The following MYCBPAP variants were observed in gnomAD, a reference collection of about 807,000 sequenced individuals.
MYCBPAP encodes MYCBP associated protein, also known as MYCBP-associated protein.
MYCBPAP carries 60 observed loss-of-function variants against 106.1 expected under a neutral mutation model. The observed-to-expected ratio is 0.57, with a 90% CI of 0.46 to 0.70. The LOEUF is 0.70. MYCBPAP is among the 30% of genes least tolerant of loss of function. The pLI is 0.00. For missense variants in MYCBPAP, 1,064 were observed against 1,169.3 expected, an observed-to-expected ratio of 0.91 and a Z score of 1.31; for synonymous variants, 407 against 440.6, an observed-to-expected ratio of 0.92 and a Z score of 0.95.
intron 3 of MYCBPAP, 40 bp downstream of exon 3, chr17:50,517,492 T>TC (rs1211183563): frequency 3.7e-6 from 6 of 1,613,986 alleles, no homozygotes; most frequent in African/African-American, 1.3e-5. Flanking sequence ...GTCTTTCAAC[T>TC]CATGGGTCAG....
chr17:50,528,921 G>T (rs1406454028), intron 17 of MYCBPAP, 81 bp downstream of exon 17: 173 of 1,598,426 alleles, frequency 1.1e-4, no homozygotes, highest in Non-Finnish European at 1.4e-4. Context: ...GTGGAGGTGG[G>T]CATGTGCCCA....
At chr17:50,510,722 A>G (rs1209724205) in intron 1 of MYCBPAP, among the ~76,000 whole-genome samples, 1 of 143,592 alleles carries the variant, frequency 7.0e-6, no homozygotes, top group Non-Finnish European at 1.5e-5. Flanking sequence ...TGTAGAGACA[A>G]GTTGCCCAGG....
At chr17:50,512,223 T>C (rs1157620423) in intron 1 of MYCBPAP, among the ~76,000 whole-genome samples, 1 of 151,932 alleles carries the variant, frequency 6.6e-6, no homozygotes, top group African/African-American at 2.4e-5. Context: ...CTGGCTAATA[T>C]TTTTGTATTT....
At chr17:50,528,057 C>A in intron 15 of MYCBPAP, 98 bp from the exon 16 acceptor site, 1 of 951,268 alleles carries the variant, frequency 1.1e-6, no homozygotes, top group Non-Finnish European at 1.6e-6. Context: ...CACAGCAGCT[C>A]GTGGCACCAG....
At position 50,524,737 on chromosome 17, in the gene MYCBPAP, T is replaced by TGTGTGTGTGA. The variant is rs373928628; in HGVS notation, c.1636-139_1636-138insTGTGTGTGAG. 1.2e-3 allele frequency: 545 copies of TGTGTGTGTGA among 463,496 alleles called. 2 individuals carry two copies. The highest frequency in any genetic ancestry group is 0.01 in the African/African-American group (417 of 40,464). 28.7% of individuals were successfully genotyped at this position (463,496 alleles called of 1,614,324 possible). A position where few individuals can be genotyped will look rare whatever the true frequency, so the allele number is the denominator to read the frequency against. On this transcript the variant is annotated intron_variant, in intron 12 of 18. Coordinates refer to ENST00000323776, the MANE Select transcript of MYCBPAP (RefSeq NM_032133.6). ...GTGTGTGTGTGTGTGTGTGTGTGTG[T>TGTGTGTGTGA]GAGAGAGAGAGAGAGAGAGAGACAA...
chr17:50,508,701 C>A lies in MYCBPAP; in HGVS notation c.27C>A (p.Arg9=), dbSNP rs1400499009. The A allele has an allele frequency of 1.9e-6, 3 of 1,611,646 alleles. No homozygotes were observed. The African/African-American group carries it at 4.0e-5, about 22-fold the overall frequency. The part of the protein sequence containing the change: MKSLKKDS[R]LRITPTRLLE... Reference sequence around the variant, plus strand: ...TGAAGTCTCTAAAGAAGGATTCCCGCCTCAGAATAACTCCGACCAGATTAT... The same window carrying A: ...TGAAGTCTCTAAAGAAGGATTCCCGACTCAGAATAACTCCGACCAGATTAT... Residue 9 remains arginine, a synonymous_variant, in exon 1 of 19, where the codon CGC becomes CGA. Transcript: ENST00000323776.
intron 2 of MYCBPAP, 67 bp from the exon 3 acceptor site, chr17:50,517,224 GAA>G: frequency 2.1e-6 from 3 of 1,449,028 alleles, no homozygotes; most frequent in Non-Finnish European, 2.9e-6. Flanking sequence ...AACTAGAACA[GAA>G]GAGATGGGTG....
At position 50,518,695 on chromosome 17, in the gene MYCBPAP, T is replaced by A. The variant is rs1270074397; in HGVS notation, c.623T>A (p.Leu208Gln). 1 of 1,594,736 alleles carries A rather than the reference T, an allele frequency of 6.3e-7. No homozygotes were observed. The change falls in exon 5 of 19, where the codon CTG becomes CAG. Residue 208 changes from leucine to glutamine, a missense_variant. Coordinates refer to ENST00000323776, the MANE Select transcript of MYCBPAP (RefSeq NM_032133.6). The stretch of plus-strand genomic sequence containing the variant: ...AAAAACTGGCAGCGTAACACAGCCC[T>A]GCGGAAGAAGCAGCAGGAAGCCCTC... ...FLKNWQRNTA[L>Q]RKKQQEALSE... is the part of the protein sequence containing the mutation.
chr17:50,519,348 TGAGTGGA>T, intron 6 of MYCBPAP: 3 of 583,522 alleles, frequency 5.1e-6, no homozygotes, highest in Non-Finnish European at 9.1e-6. Context: ...GAGCTTAGAC[TGAGTGGA>T]GCCTACACCC....
In MYCBPAP at chr17:50,531,429, C is replaced by T; in HGVS notation, c.*1C>T. On this transcript the variant is annotated 3_prime_UTR_variant, in exon 19 of 19. Coordinates refer to ENST00000323776, the MANE Select transcript of MYCBPAP (RefSeq NM_032133.6). ...GGAGGCTTTGCGCCTCTGCAGGTGACTCTCGGGCCCAAGCAACCTTCTGGA... is the reference window on the plus strand; with the variant it reads ...GGAGGCTTTGCGCCTCTGCAGGTGATTCTCGGGCCCAAGCAACCTTCTGGA... 1 of 1,600,596 alleles carries T rather than the reference C, an allele frequency of 6.2e-7. No individual in the cohort carries two copies.
At chr17:50,516,761 C>G in intron 2 of MYCBPAP, 64 bp downstream of exon 2, 1 of 1,593,680 alleles carries the variant, frequency 6.3e-7, no homozygotes, top group South Asian at 1.1e-5. Context: ...CCTGAGTGGT[C>G]TAGAACACCA....
At chr17:50,527,250 G>C in intron 14 of MYCBPAP, 37 bp from the exon 15 acceptor site, 1 of 1,612,610 alleles carries the variant, frequency 6.2e-7, no homozygotes, top group South Asian at 1.1e-5. Flanking sequence ...CACAGCCTTG[G>C]TGTCCTGGTG....
At chr17:50,516,482 T>C in intron 1 of MYCBPAP, 88 bp from the exon 2 acceptor site, 1 of 1,443,796 alleles carries the variant, frequency 6.9e-7, no homozygotes, top group African/African-American at 1.4e-5. Context: ...GAGTCTAGTA[T>C]ATATTTTTAC....
In MYCBPAP at chr17:50,517,408, G is replaced by A. The variant is rs759021550; in HGVS notation, c.320G>A (p.Arg107His). The change falls in exon 3 of 19, where the codon CGT becomes CAT. Residue 107 changes from arginine to histidine, a missense_variant. Coordinates refer to ENST00000323776, the MANE Select transcript of MYCBPAP (RefSeq NM_032133.6). ...AGGAAGGTCTGCCACCTTGTAGCAC[G>A]TCCTGCGAATCCTGATGAAGCCACA... The part of the protein sequence containing the change: ...PRRKVCHLVA[R>H]PANPDEATKP... The A allele has an allele frequency of 7.4e-6, 12 of 1,614,162 alleles. No individual in the cohort carries two copies. The highest frequency in any genetic ancestry group is 2.2e-5 in the East Asian group (1 of 44,888).
At chr17:50,525,485 T>G (rs2034426864) in intron 13 of MYCBPAP, among the ~76,000 whole-genome samples, 1 of 152,008 alleles carries the variant, frequency 6.6e-6, no homozygotes, top group African/African-American at 2.4e-5. Flanking sequence ...ACTATTTATT[T>G]TTGTTTATTT....
chr17:50,529,526 G>A (rs2034568790), intron 18 of MYCBPAP: 1 of 373,356 alleles, frequency 2.7e-6, no homozygotes, highest in African/African-American at 2.1e-5. Flanking sequence ...GCCATAGGAG[G>A]GAGGGGCCAG....
intron 4 of MYCBPAP, among the ~76,000 whole-genome samples, chr17:50,518,296 C>T (rs971485964): frequency 6.6e-6 from 1 of 152,242 alleles, no homozygotes; most frequent in African/African-American, 2.4e-5. Context: ...AGGACAAATA[C>T]ACTAGATGTT....
rs915645336 is a variant in MYCBPAP, at chr17:50,531,080, A to G, written c.2725-247A>G. Among the ~76,000 whole-genome samples, 9 of 151,874 alleles carry G rather than the reference A, an allele frequency of 5.9e-5. 1 individual carries two copies. The highest frequency in any genetic ancestry group is 1.3e-4 in the Non-Finnish European group (9 of 67,948). On this transcript the variant is annotated intron_variant, in intron 18 of 18. Transcript: ENST00000323776. ...GATGGGAGAATCACCTGAGCCAGGG[A>G]AGTCAAGGCTGCAGTGAGCCATGAT...
intron 18 of MYCBPAP, 44 bp from the exon 19 acceptor site, chr17:50,531,283 C>T (rs1474093339): frequency 7.2e-7 from 1 of 1,382,798 alleles, no homozygotes; most frequent in Non-Finnish European, 1.0e-6. Flanking sequence ...ATAGGTGCTT[C>T]CCACAGAGTA....
Sources: gnomAD v4.1 joint callset for allele counts (sites outside exome capture counted in the v4.1 genomes callset) on GRCh38, gnomAD v4.1.1 for gene constraint, MANE v1.5 for transcripts, NCBI Gene and HGNC (gene_info 2026-07-23, HGNC 2026-07-21) for gene names.